The following ZNF526 variants were observed in gnomAD, a reference collection of about 807,000 sequenced individuals.
ZNF526 encodes zinc finger protein 526.
Under a neutral mutation model 32.4 loss-of-function variants are expected in ZNF526, and 16 were observed. The observed-to-expected ratio is 0.49, with a 90% CI of 0.33 to 0.75. ZNF526 has a LOEUF of 0.75. Ranked by LOEUF, ZNF526 falls within the 30% of genes least tolerant of loss-of-function variation. The pLI is 0.02. For missense variants in ZNF526, 838 were observed against 920.7 expected (o/e 0.91, Z 1.16); for synonymous variants, 355 against 363.4 (o/e 0.98, Z 0.26).
chr19:42,224,148 GTC>G, intron 1 of ZNF526, 65 bp from the exon 2 acceptor site: 1 of 468,504 alleles, frequency 2.1e-6, no homozygotes, highest in Non-Finnish European at 3.9e-6. Context: ...GACAGACCAA[GTC>G]TCTGTCTCAG....
rs1446237473 is a variant in ZNF526 at position 42,225,664 on chromosome 19, A to G, written c.1261A>G (p.Thr421Ala). The change falls in exon 3 of 3, where the codon ACA becomes GCA. Residue 421 changes from threonine to alanine, a missense_variant. Transcript: ENST00000301215. ...GKSGAPPTGA[T>A]APPAPAEPTP... ...AAGCGGGGCACCTCCCACAGGAGCA[A>G]CAGCTCCCCCAGCTCCAGCGGAGCC... The G allele has an allele frequency of 6.2e-7, 1 of 1,613,390 alleles. No homozygotes were observed. The highest frequency in any genetic ancestry group is 2.2e-5 in the East Asian group (1 of 44,856).
chr19:42,225,897 G>A lies in ZNF526; in HGVS notation c.1494G>A (p.Arg498=), dbSNP rs1038610396. 4.3e-6 allele frequency: 7 copies of A among 1,614,082 alleles called. No individual in the cohort carries two copies. The African/African-American group carries it at 9.3e-5, about 22-fold the overall frequency. ...ACCTGCGGACACACACGGGTGAGAG[G>A]CCCTTCCAGTGCCACTCATGTGGCA... ...RNHLRTHTGE[R]PFQCHSCGKT... is the part of the protein sequence containing the mutation. Residue 498 remains arginine (R), a synonymous_variant, in exon 3 of 3, where the codon AGG becomes AGA. Transcript: ENST00000301215.
intron 1 of ZNF526, among the ~76,000 whole-genome samples, chr19:42,222,125 TC>T (rs2036131368): frequency 6.6e-6 from 1 of 151,138 alleles, no homozygotes; most frequent in African/African-American, 2.4e-5. Context: ...TCTCACTCTG[TC>T]TCCAGGCTGG....
chr19:42,224,109 A>G, intron 1 of ZNF526, 106 bp from the exon 2 acceptor site: 1 of 391,194 alleles, frequency 2.6e-6, no homozygotes, highest in Non-Finnish European at 4.8e-6. Context: ...CAGTGAGCCA[A>G]GATTGTGCCA....
Position 42,225,115 on chromosome 19 carries a change from G to C in ZNF526, c.712G>C (p.Asp238His), listed in dbSNP as rs757513094. 1 of 1,614,068 alleles carries C rather than the reference G, an allele frequency of 6.2e-7. No homozygotes were observed. Reference protein sequence around the residue: ...RNGLEEEEEDDEEDEEDDEEM... With the variant: ...RNGLEEEEEDHEEDEEDDEEM... ...TGGGTTGGAGGAGGAGGAAGAGGAC[G>C]ATGAGGAGGATGAAGAAGATGATGA... is the stretch of plus-strand genomic sequence containing the variant. Residue 238 changes from aspartate to histidine, a missense_variant, in exon 3 of 3, where the codon GAT becomes CAT. Transcript: ENST00000301215.
intron 1 of ZNF526, among the ~76,000 whole-genome samples, chr19:42,221,291 C>T (rs764527999): frequency 2.0e-5 from 3 of 152,010 alleles, no homozygotes; most frequent in South Asian, 2.1e-4. Flanking sequence ...CTCAGTAGTT[C>T]GAGACCAGCC....
intron 1 of ZNF526, among the ~76,000 whole-genome samples, chr19:42,221,311 T>C (rs967293225): frequency 3.3e-5 from 5 of 151,358 alleles, no homozygotes; most frequent in African/African-American, 7.3e-5. Context: ...CTGGGCAACA[T>C]AGGGAGACCT....
At position 42,225,593 on chromosome 19, in the gene ZNF526, G is replaced by A; in HGVS notation, c.1190G>A (p.Ser397Asn). 3.1e-6 allele frequency: 5 copies of A among 1,608,812 alleles called. No individual in the cohort carries two copies. The highest frequency in any genetic ancestry group is 4.3e-6 in the Non-Finnish European group (5 of 1,175,994). Reference protein sequence around the residue: ...LHRCRCGKTFSNMTKFLYHRR... With the variant: ...LHRCRCGKTFNNMTKFLYHRR... ...CGCTGTCGTTGCGGCAAGACGTTCA[G>A]CAACATGACCAAGTTCCTCTACCAC... Residue 397 changes from serine to asparagine, a missense_variant, in exon 3 of 3, where the codon AGC becomes AAC. By Grantham distance (46) the Ser-to-Asn change is conservative. Coordinates refer to ENST00000301215, the MANE Select transcript of ZNF526 (RefSeq NM_133444.3).
At chr19:42,221,565 G>A (rs2036123603) in intron 1 of ZNF526, among the ~76,000 whole-genome samples, 1 of 152,026 alleles carries the variant, frequency 6.6e-6, no homozygotes, top group Non-Finnish European at 1.5e-5. Flanking sequence ...CCCAAGAGGC[G>A]GAGGTTGCAG....
Position 42,224,381 on chromosome 19 carries a change from C to T in ZNF526, c.-17-6C>T. Reference sequence around the variant, plus strand: ...GTCTCACTGGCTCCTGCCCCTCTTTCTCCAGGCACTGCCTTCCCCACAATG... The same window carrying T: ...GTCTCACTGGCTCCTGCCCCTCTTTTTCCAGGCACTGCCTTCCCCACAATG... On this transcript the variant is annotated splice_region_variant and splice_polypyrimidine_tract_variant and intron_variant, in intron 2 of 2. Coordinates refer to ENST00000301215, the MANE Select transcript of ZNF526 (RefSeq NM_133444.3). 1 of 1,612,380 alleles carries T rather than the reference C, an allele frequency of 6.2e-7. No individual in the cohort carries two copies. The highest frequency in any genetic ancestry group is 8.5e-7 in the Non-Finnish European group (1 of 1,178,480).
intron 1 of ZNF526, 134 bp from the exon 2 acceptor site, chr19:42,224,081 C>T (rs917677196): frequency 5.8e-6 from 2 of 347,660 alleles, no homozygotes; most frequent in African/African-American, 4.3e-5. Context: ...ATAGCTTGAA[C>T]CCAGGAGCGA....
chr19:42,222,747 T>C (rs1387152776), intron 1 of ZNF526, among the ~76,000 whole-genome samples: 1 of 152,150 alleles, frequency 6.6e-6, no homozygotes, highest in Non-Finnish European at 1.5e-5. Context: ...ACTCATGATA[T>C]TTGCCATGAT....
At chr19:42,224,358 C>T in intron 2 of ZNF526, 29 bp from the exon 3 acceptor site, 1 of 1,573,914 alleles carries the variant, frequency 6.4e-7, no homozygotes, top group Non-Finnish European at 8.7e-7. Context: ...TTCCTGCTGT[C>T]TCACTGGCTC....
At position 42,225,100 on chromosome 19, in the gene ZNF526, G is replaced by A; in HGVS notation, c.697G>A (p.Glu233Lys). Residue 233 changes from glutamate to lysine, a missense_variant, in exon 3 of 3, where the codon GAG (glutamate) becomes AAG (lysine). By Grantham distance (56) the Glu-to-Lys change is moderately conservative. Transcript: ENST00000301215. The part of the protein sequence containing the change: ...LEKEERNGLE[E>K]EEEDDEEDEE... The stretch of plus-strand genomic sequence containing the variant: ...GAAAGAGGAGCGCAATGGGTTGGAG[G>A]AGGAGGAAGAGGACGATGAGGAGGA... 1.2e-6 allele frequency: 2 copies of A among 1,614,222 alleles called. No homozygotes were observed. Among genetic ancestry groups the A allele is most frequent in the Non-Finnish European group, 1.7e-6 (2 of 1,180,038 alleles).
rs753304632 is a variant in ZNF526 at position 42,225,397 on chromosome 19, CAT to C, written c.995_996del (p.His332ArgfsTer16). ...AHGRAHVGGT[H>X]ECTTCSKVFK... ...TGGGCGGGCCCATGTTGGTGGCACA[CAT>C]GAGTGTACAACCTGCTCCAAGGTCT... On this transcript the variant is annotated frameshift_variant, in exon 3 of 3. Coordinates refer to ENST00000301215, the MANE Select transcript of ZNF526 (RefSeq NM_133444.3). LOFTEE classifies it high-confidence loss of function. 3 of 1,613,910 alleles carry C rather than the reference CAT, an allele frequency of 1.9e-6. No individual in the cohort carries two copies. Among genetic ancestry groups the C allele is most frequent in the East Asian group, 2.2e-5 (1 of 44,892 alleles).
chr19:42,226,650 C>A lies in ZNF526; in HGVS notation c.*234C>A, dbSNP rs2146931792. 2.0e-5 allele frequency: 13 copies of A among 651,954 alleles called. No individual in the cohort carries two copies. The South Asian group carries it at 2.2e-4, about 11-fold the overall frequency. 40.4% of individuals were successfully genotyped at this position (651,954 alleles called of 1,614,324 possible). ...AAATGCGATGTGATCTGTACCAGGT[C>A]ACCCAGCTATGCTGCAAAGTGGGTT... is the stretch of plus-strand genomic sequence containing the variant. On this transcript the variant is annotated 3_prime_UTR_variant, in exon 3 of 3. Transcript: ENST00000301215.
At position 42,224,819 on chromosome 19, in the gene ZNF526, A is replaced by G. The variant is rs773500725; in HGVS notation, c.416A>G (p.Gln139Arg). The G allele has an allele frequency of 5.0e-6, 8 of 1,613,834 alleles. No individual in the cohort carries two copies. The highest frequency in any genetic ancestry group is 1.1e-5 in the South Asian group (1 of 91,066). ...CTCCGAGAGTCTGCAAACCAGATCC[A>G]ATACCAGTGCTGGGACTGCCAGGAG... is the stretch of plus-strand genomic sequence containing the variant. ...AHLRESANQI[Q>R]YQCWDCQELF... Residue 139 changes from glutamine to arginine, a missense_variant, in exon 3 of 3, where the codon CAA (glutamine) becomes CGA (arginine). Physicochemically the swap from Gln to Arg is conservative, Grantham distance 43. Coordinates refer to ENST00000301215, the MANE Select transcript of ZNF526 (RefSeq NM_133444.3).
At chr19:42,221,740 C>T (rs747927616) in intron 1 of ZNF526, among the ~76,000 whole-genome samples, 2 of 151,664 alleles carry the variant, frequency 1.3e-5, no homozygotes, top group Non-Finnish European at 2.9e-5. Flanking sequence ...TCACCTGAGT[C>T]CAGGAGGTGG....
intron 1 of ZNF526, among the ~76,000 whole-genome samples, chr19:42,223,614 C>G (rs923425276): frequency 4.6e-5 from 7 of 151,694 alleles, no homozygotes; most frequent in Admixed American, 3.9e-4. Flanking sequence ...GCACTCCAGC[C>G]TGGGCGACAG....
Sources: allele counts gnomAD v4.1 joint callset (sites outside exome capture counted in the v4.1 genomes callset), GRCh38; gene constraint gnomAD v4.1.1; transcripts MANE v1.5; gene names NCBI Gene and HGNC (gene_info 2026-07-23, HGNC 2026-07-21).